ST3GAL1: variants seen among roughly 807,000 people sequenced by gnomAD.
The protein encoded by ST3GAL1 is ST3 beta-galactoside alpha-2,3-sialyltransferase 1.
Under a neutral mutation model 34.1 loss-of-function variants are expected in ST3GAL1, and 16 were observed. The observed-to-expected ratio is 0.47, with a 90% CI of 0.32 to 0.71. The LOEUF (loss-of-function observed/expected upper bound fraction) is 0.71, where lower values mean the gene tolerates loss of function less well. Ranked by LOEUF, ST3GAL1 falls within the 30% of genes least tolerant of loss-of-function variation. The pLI, the probability that ST3GAL1 is intolerant of heterozygous loss-of-function variation, is 0.04. For synonymous variants in ST3GAL1, 191 were observed against 184.7 expected (o/e 1.03, Z -0.28); for missense variants, 353 against 447.4 (o/e 0.79, Z 1.90).
intron 1 of ST3GAL1, among the ~76,000 whole-genome samples, chr8:133,563,628 CT>C (rs1482021792): frequency 1.3e-5 from 2 of 152,252 alleles, no homozygotes; most frequent in African/African-American, 2.4e-5. Context: ...AGCATTCACA[CT>C]GTAGTCCAGT....
At chr8:133,529,104 A>G (rs1818066149) in intron 2 of ST3GAL1, among the ~76,000 whole-genome samples, 1 of 152,208 alleles carries the variant, frequency 6.6e-6, no homozygotes, top group African/African-American at 2.4e-5. Context: ...AGATTTGCAG[A>G]CAGCTGGGCA....
At chr8:133,562,851 T>TTTCTTTC (rs767650148) in intron 1 of ST3GAL1, among the ~76,000 whole-genome samples, 17 of 14,002 alleles carry the variant, frequency 1.2e-3, no homozygotes, top group African/African-American at 1.5e-3. Context: ...CCTTTCTTTC[T>TTTCTTTC]TTTTTTTTTT....
chr8:133,467,804 C>T lies in ST3GAL1; in HGVS notation c.307-1714G>A, dbSNP rs1023821732. Reference sequence around the variant, plus strand: ...CAGTCCCCACTGCAATGGAAGGAATCGGATGCCCCAAGGGGAGGCACACAA... The same window carrying T: ...CAGTCCCCACTGCAATGGAAGGAATTGGATGCCCCAAGGGGAGGCACACAA... On this transcript the variant is annotated intron_variant, in intron 5 of 9. Coordinates refer to ENST00000522652, the MANE Select transcript of ST3GAL1 (RefSeq NM_173344.3). This position sits in a 1 kb window ranked among gnomAD's most constrained non-coding sequence, Gnocchi z 4.2. Among the ~76,000 whole-genome samples, 2 of 152,154 alleles carry T rather than the reference C, an allele frequency of 1.3e-5. No homozygotes were observed. Among genetic ancestry groups the T allele is most frequent in the Admixed American group, 1.3e-4 (2 of 15,276 alleles).
intron 5 of ST3GAL1, among the ~76,000 whole-genome samples, chr8:133,470,624 C>T (rs530115843): frequency 2.6e-5 from 4 of 152,248 alleles, no homozygotes; most frequent in African/African-American, 9.6e-5. Context: ...GGGTCAGCTT[C>T]CCTGGAAGCA....
rs114667730 is a variant in ST3GAL1, at chr8:133,532,135, G to A, written c.-429+13639C>T. On this transcript the variant is annotated intron_variant, in intron 2 of 9. Coordinates refer to ENST00000522652, the MANE Select transcript of ST3GAL1 (RefSeq NM_173344.3). Reference sequence around the variant, plus strand: ...ATAATACCACTCTTCTAATTTTGTTGTTGTTGTTGTTTGTTTGGGTAAGTA... The same window carrying A: ...ATAATACCACTCTTCTAATTTTGTTATTGTTGTTGTTTGTTTGGGTAAGTA... 3.5e-3 allele frequency among the ~76,000 whole-genome samples: 535 copies of A among 152,266 alleles called. 3 individuals carry two copies. The highest frequency in any genetic ancestry group is 0.012 in the African/African-American group (513 of 41,544).
chr8:133,468,681 G>T (rs1815835638), intron 5 of ST3GAL1, among the ~76,000 whole-genome samples: 1 of 152,224 alleles, frequency 6.6e-6, no homozygotes, highest in Non-Finnish European at 1.5e-5. Flanking sequence ...TAAAATGCCT[G>T]ATTCTGATGG....
chr8:133,475,113 C>T (rs1410180211), intron 5 of ST3GAL1, among the ~76,000 whole-genome samples: 1 of 152,170 alleles, frequency 6.6e-6, no homozygotes, highest in African/African-American at 2.4e-5. Flanking sequence ...GGCCCTAAAC[C>T]TGATGACAGG....
At position 133,472,028 on chromosome 8, in the gene ST3GAL1, G is replaced by C. The variant is rs1815982481; in HGVS notation, c.306+3691C>G. On this transcript the variant is annotated intron_variant, in intron 5 of 9. Coordinates refer to ENST00000522652, the MANE Select transcript of ST3GAL1 (RefSeq NM_173344.3). The stretch of plus-strand genomic sequence containing the variant: ...GTCTCTGAATTGGACATGGGGACTG[G>C]GGAAGAAGGAATCCCTGTTCCTGGG... Among the ~76,000 whole-genome samples the C allele has an allele frequency of 2.0e-5, 3 of 152,002 alleles. No homozygotes were observed. The South Asian group carries it at 6.2e-4, about 32-fold the overall frequency.
At chr8:133,474,584 G>A (rs1338265018) in intron 5 of ST3GAL1, among the ~76,000 whole-genome samples, 1 of 152,060 alleles carries the variant, frequency 6.6e-6, no homozygotes, top group Non-Finnish European at 1.5e-5. Flanking sequence ...TGACTCTCAG[G>A]CCTCGTCTCA....
At chr8:133,531,662 G>C (rs1041243147) in intron 2 of ST3GAL1, among the ~76,000 whole-genome samples, 7 of 152,028 alleles carry the variant, frequency 4.6e-5, no homozygotes, top group African/African-American at 1.4e-4. Flanking sequence ...GGCCAGTCAG[G>C]GGGTGAGGGG....
At chr8:133,498,377 C>T (rs1373570690) in intron 3 of ST3GAL1, among the ~76,000 whole-genome samples, 1 of 152,210 alleles carries the variant, frequency 6.6e-6, no homozygotes, top group African/African-American at 2.4e-5. Context: ...GTTTCTGGGC[C>T]TCAGTGTCCT....
chr8:133,543,790 T>C (rs1479278026), intron 2 of ST3GAL1, among the ~76,000 whole-genome samples: 1 of 142,568 alleles, frequency 7.0e-6, no homozygotes, highest in Non-Finnish European at 1.5e-5. Flanking sequence ...ATTATCACTG[T>C]TAACATCATC....
At chr8:133,502,574 T>C (rs1480468941) in intron 2 of ST3GAL1, among the ~76,000 whole-genome samples, 1 of 152,216 alleles carries the variant, frequency 6.6e-6, no homozygotes, top group East Asian at 1.9e-4. Context: ...ATCTTGGGCT[T>C]CCAGCTTCCA....
chr8:133,463,546 T>C, intron 7 of ST3GAL1, 87 bp from the exon 8 acceptor site: 2 of 1,435,854 alleles, frequency 1.4e-6, no homozygotes, highest in Non-Finnish European at 1.9e-6. Flanking sequence ...AGTGGCTAGA[T>C]AATGAAGCAG....
At chr8:133,536,357 C>A (rs375848232) in intron 2 of ST3GAL1, among the ~76,000 whole-genome samples, 4 of 152,184 alleles carry the variant, frequency 2.6e-5, no homozygotes, top group East Asian at 3.9e-4. Context: ...CAAAGATTAT[C>A]TGTAAATGCC....
At chr8:133,460,931 C>T (rs1454538761) in intron 9 of ST3GAL1, among the ~76,000 whole-genome samples, 1 of 152,138 alleles carries the variant, frequency 6.6e-6, no homozygotes. Context: ...CACCATGCCA[C>T]ATGTGGCTTT....
chr8:133,462,087 G>A, intron 8 of ST3GAL1, 93 bp from the exon 9 acceptor site: 4 of 1,574,548 alleles, frequency 2.5e-6, no homozygotes, highest in Non-Finnish European at 3.5e-6. Context: ...TGGCCATGGA[G>A]GCACAGCCAT....
intron 3 of ST3GAL1, among the ~76,000 whole-genome samples, chr8:133,498,759 G>A (rs1426525764): frequency 6.6e-6 from 1 of 152,234 alleles, no homozygotes; most frequent in African/African-American, 2.4e-5. Flanking sequence ...CGAGGCACCT[G>A]GGCCCTGCTG....
At chr8:133,566,238 G>A (rs1819396850) in intron 1 of ST3GAL1, among the ~76,000 whole-genome samples, 1 of 152,218 alleles carries the variant, frequency 6.6e-6, no homozygotes, top group African/African-American at 2.4e-5. Flanking sequence ...AATGAGAGGA[G>A]CATGCTCCCC....
Sources: allele counts gnomAD v4.1 joint callset (sites outside exome capture counted in the v4.1 genomes callset), GRCh38; gene constraint gnomAD v4.1.1; non-coding constraint Gnocchi (gnomAD v3.1); transcripts MANE v1.5; gene names NCBI Gene and HGNC (gene_info 2026-07-23, HGNC 2026-07-21).